GLT8D2: variants seen among roughly 807,000 people sequenced by gnomAD.
GLT8D2 encodes glycosyltransferase 8 domain containing 2, also known as glycosyltransferase 8 domain-containing protein 2.
Under a neutral mutation model 44.5 loss-of-function variants are expected in GLT8D2, and 45 were observed. The observed-to-expected ratio is 1.01, with a 90% confidence interval of 0.80 to 1.30. GLT8D2 has a LOEUF of 1.30. Ranked by LOEUF, GLT8D2 falls within the 50% of genes most tolerant of loss-of-function variation. The probability of loss-of-function intolerance (pLI) is 0.00; values close to 1 mark genes in which losing one functional copy is unlikely to be tolerated. For missense variants in GLT8D2, 400 were observed against 430.4 expected, an observed-to-expected ratio of 0.93 and a Z score of 0.62; for synonymous variants, 156 against 157.2, an observed-to-expected ratio of 0.99 and a Z score of 0.06.
chr12:104,027,537 A>G (rs750879416), intron 1 of GLT8D2, among the ~76,000 whole-genome samples: 12 of 152,262 alleles, frequency 7.9e-5, no homozygotes, highest in South Asian at 2.1e-4. Flanking sequence ...TCTTACAAAC[A>G]AAAGTCTTTA....
At chr12:104,064,397 C>T (rs1442406024), upstream of GLT8D2, 3 of 590,760 alleles carry the variant, frequency 5.1e-6, no homozygotes, top group East Asian at 1.0e-4. The surrounding 1 kb of genome is among the most constrained non-coding windows in gnomAD (Gnocchi z 7.3). Context: ...TCAGGACCCC[C>T]CTTCCCCAGC....
intron 1 of GLT8D2, among the ~76,000 whole-genome samples, chr12:104,022,749 TAC>T (rs10690249): frequency 8.5e-4 from 128 of 149,788 alleles, no homozygotes; most frequent in Middle Eastern, 6.9e-3. Context: ...CAGGAGATTC[TAC>T]ACACACACAC....
chr12:104,005,254 T>C (rs1281398678), intron 4 of GLT8D2, among the ~76,000 whole-genome samples: 7 of 152,156 alleles, frequency 4.6e-5, no homozygotes, highest in Non-Finnish European at 1.0e-4. Context: ...AAGACTGAAA[T>C]GTTAGACCTA....
chr12:104,026,368 T>TC (rs981110453), intron 1 of GLT8D2, among the ~76,000 whole-genome samples: 3 of 152,150 alleles, frequency 2.0e-5, no homozygotes, highest in African/African-American at 7.2e-5. Flanking sequence ...TGAAAAACTT[T>TC]CAACCAAACA....
At chr12:104,002,907 C>T (rs950355394) in intron 5 of GLT8D2, among the ~76,000 whole-genome samples, 12 of 151,258 alleles carry the variant, frequency 7.9e-5, no homozygotes, top group African/African-American at 2.4e-4. Context: ...ATTGCGCCAC[C>T]GCACAATCCA....
At chr12:104,012,189 A>AATATATATATAT (rs71069712) in intron 4 of GLT8D2, among the ~76,000 whole-genome samples, 2 of 98,452 alleles carry the variant, frequency 2.0e-5, no homozygotes, top group Non-Finnish European at 3.8e-5. Flanking sequence ...AAAAAAAAAA[A>AATATATATATAT]ATATATATAT....
chr12:103,996,822 G>A lies in GLT8D2; in HGVS notation c.513C>T (p.Thr171=), dbSNP rs768673698. The change falls in exon 8 of 11, where the codon ACC becomes ACT. Residue 171 remains threonine (T), a synonymous_variant. Transcript: ENST00000360814. The part of the protein sequence containing the change: ...VQGDIQELYD[T]TLALGHAAAF... ...CCGCCGCGTGGCCCAGGGCCAAGGT[G>A]GTGTCATACAGTTCTTGGATATCAC... 4 of 1,613,746 alleles carry A rather than the reference G, an allele frequency of 2.5e-6. No individual in the cohort carries two copies. Among genetic ancestry groups the A allele is most frequent in the South Asian group, 1.1e-5 (1 of 91,028 alleles).
rs1454595910 is a variant in GLT8D2, at chr12:103,989,484, C to G, written c.974G>C (p.Ser325Thr). Reference sequence around the variant, plus strand: ...GCTTTCCCATAAGTCGTTGTGAACACTAGGGAAGTCCCAAGGTTTATGTCT... The same window carrying G: ...GCTTTCCCATAAGTCGTTGTGAACAGTAGGGAAGTCCCAAGGTTTATGTCT... Reference protein sequence around the residue: ...NGRHKPWDFPSVHNDLWESWF... With the variant: ...NGRHKPWDFPTVHNDLWESWF... The change falls in exon 11 of 11, where the codon AGT (serine) becomes ACT (threonine). Residue 325 changes from serine to threonine, a missense_variant. Coordinates refer to ENST00000360814, the MANE Select transcript of GLT8D2 (RefSeq NM_001384711.1). 6.2e-7 allele frequency: 1 copy of G among 1,613,684 alleles called. No homozygotes were observed. The highest frequency in any genetic ancestry group is 2.2e-5 in the East Asian group (1 of 44,852).
chr12:104,033,975 G>T (rs889230269), intron 1 of GLT8D2, among the ~76,000 whole-genome samples: 1 of 151,814 alleles, frequency 6.6e-6, no homozygotes, highest in Non-Finnish European at 1.5e-5. Context: ...GAGCTACCAG[G>T]GTTGGCTGAA....
chr12:104,060,314 C>T (rs1223695734), intron 1 of GLT8D2, among the ~76,000 whole-genome samples: 1 of 152,154 alleles, frequency 6.6e-6, no homozygotes, highest in Non-Finnish European at 1.5e-5. Flanking sequence ...AAACTCTCCT[C>T]CTAGGTTGTT....
intron 1 of GLT8D2, among the ~76,000 whole-genome samples, chr12:104,047,305 C>CTT (rs35333809): frequency 0.25 from 32,552 of 130,666 alleles, 5,107 homozygotes; most frequent in Non-Finnish European, 0.34. Context: ...TCTCTTAGGC[C>CTT]TTTTTTTTTT....
intron 4 of GLT8D2, chr12:104,012,464 T>G: frequency 4.8e-6 from 1 of 206,418 alleles, no homozygotes. Context: ...AGGATGTGCA[T>G]TTCTTTGGAG....
At position 103,989,377 on chromosome 12, in the gene GLT8D2, A is replaced by G. The variant is rs751300162; in HGVS notation, c.*31T>C. On this transcript the variant is annotated 3_prime_UTR_variant, in exon 11 of 11. Coordinates refer to ENST00000360814, the MANE Select transcript of GLT8D2 (RefSeq NM_001384711.1). ...TACAAAGGGACAATTCCACATTTCT[A>G]TACAGGGAATATTTTAAGGGTAGAG... 8 of 1,551,834 alleles carry G rather than the reference A, an allele frequency of 5.2e-6. No homozygotes were observed. The highest frequency in any genetic ancestry group is 4.5e-5 in the East Asian group (2 of 44,386).
At chr12:104,062,887 G>A (rs144232349) in intron 1 of GLT8D2, among the ~76,000 whole-genome samples, 16 of 152,194 alleles carry the variant, frequency 1.1e-4, no homozygotes, top group Admixed American at 3.3e-4. Flanking sequence ...ACCAGTCCTC[G>A]GCCTGTTCGG....
At chr12:104,053,372 G>A (rs117319545), upstream of GLT8D2, among the ~76,000 whole-genome samples, 1,747 of 152,230 alleles carry the variant, frequency 0.011, 13 homozygotes, top group Non-Finnish European at 0.014. Flanking sequence ...ATTTTCCCTG[G>A]GGAAGAAATG....
intron 1 of GLT8D2, among the ~76,000 whole-genome samples, chr12:104,046,676 A>G (rs972969123): frequency 6.6e-6 from 1 of 152,242 alleles, no homozygotes; most frequent in African/African-American, 2.4e-5. Flanking sequence ...AGTCATTAAC[A>G]GGACAAGAGT....
chr12:104,039,591 A>G (rs898734317), intron 1 of GLT8D2, among the ~76,000 whole-genome samples: 5 of 152,246 alleles, frequency 3.3e-5, no homozygotes, highest in South Asian at 2.1e-4. Context: ...CAAAACCACA[A>G]TGAGATACCA....
chr12:104,004,965 T>A (rs1028499166), intron 4 of GLT8D2, among the ~76,000 whole-genome samples: 5 of 152,180 alleles, frequency 3.3e-5, no homozygotes, highest in African/African-American at 7.2e-5. Context: ...GGCATCACGC[T>A]ACCTGACTTC....
intron 1 of GLT8D2, among the ~76,000 whole-genome samples, chr12:104,032,984 A>G (rs1396645927): frequency 6.6e-6 from 1 of 151,554 alleles, no homozygotes; most frequent in East Asian, 1.9e-4. Context: ...GGTTCAAGCG[A>G]TTCTCCTGCC....
Sources: gnomAD v4.1 joint callset for allele counts (sites outside exome capture counted in the v4.1 genomes callset) on GRCh38, gnomAD v4.1.1 for gene constraint, Gnocchi (gnomAD v3.1) non-coding constraint, MANE v1.5 for transcripts, NCBI Gene and HGNC (gene_info 2026-07-23, HGNC 2026-07-21) for gene names.